CDH23: variants seen among roughly 807,000 people sequenced by gnomAD.
The protein encoded by CDH23 is cadherin related 23.
Under a neutral mutation model 317.1 loss-of-function variants are expected in CDH23, and 189 were observed. The observed-to-expected ratio is 0.60, with a 90% CI of 0.53 to 0.67. The LOEUF (loss-of-function observed/expected upper bound fraction) is 0.67, where lower values mean the gene tolerates loss of function less well. Ranked by LOEUF, CDH23 falls within the 30% of genes least tolerant of loss-of-function variation. The probability of loss-of-function intolerance (pLI) is 0.00; values close to 1 mark genes in which losing one functional copy is unlikely to be tolerated. For missense variants in CDH23, 4,401 were observed against 4,592.4 expected (o/e 0.96, Z 1.20); for synonymous variants, 1,839 against 1,876.8 (o/e 0.98, Z 0.52).
intron 9 of CDH23, among the ~76,000 whole-genome samples, chr10:71,613,045 T>A: frequency 6.6e-6 from 1 of 152,158 alleles, no homozygotes; most frequent in Admixed American, 6.5e-5. Context: ...GATGGGGTTT[T>A]GCCATGTTGG....
intron 48 of CDH23, chr10:71,795,921 C>A: frequency 1.0e-6 from 1 of 986,370 alleles, no homozygotes; most frequent in Non-Finnish European, 1.2e-6. Context: ...CCACCACACC[C>A]CCACCACCCT....
intron 3 of CDH23, among the ~76,000 whole-genome samples, chr10:71,500,454 A>G (rs1195287018): frequency 6.6e-6 from 1 of 152,134 alleles, no homozygotes; most frequent in Non-Finnish European, 1.5e-5. Context: ...TCTGACTCTC[A>G]GGAGGGAATG....
chr10:71,725,514 C>A lies in CDH23; in HGVS notation c.3573C>A (p.Ser1191=). 6.2e-7 allele frequency: 1 copy of A among 1,613,004 alleles called. No individual in the cohort carries two copies. Among genetic ancestry groups the A allele is most frequent in the South Asian group, 1.1e-5 (1 of 90,870 alleles). Residue 1191 remains serine, a synonymous_variant, in exon 30 of 70, where the codon TCC becomes TCA. Transcript: ENST00000224721. ...YNHDLGPMRS[S]VRVIVYVEDI... Reference sequence around the variant, plus strand: ...ACGACCTGGGCCCCATGCGGAGCTCCGTCAGGGTGAGGCTAGGGGCGGGCT... The same window carrying A: ...ACGACCTGGGCCCCATGCGGAGCTCAGTCAGGGTGAGGCTAGGGGCGGGCT...
intron 1 of CDH23, among the ~76,000 whole-genome samples, chr10:71,425,786 C>T (rs1849049514): frequency 6.6e-6 from 1 of 152,196 alleles, no homozygotes; most frequent in Non-Finnish European, 1.5e-5. Flanking sequence ...GTGAAATGGG[C>T]ATAACATCAC....
chr10:71,619,111 G>T (rs1369159467), intron 11 of CDH23, among the ~76,000 whole-genome samples: 1 of 152,118 alleles, frequency 6.6e-6, no homozygotes, highest in African/African-American at 2.4e-5. Flanking sequence ...GAGGCAGGTG[G>T]ATCACTTGAA....
intron 14 of CDH23, among the ~76,000 whole-genome samples, chr10:71,672,785 T>C (rs866639786): frequency 6.6e-6 from 1 of 152,094 alleles, no homozygotes; most frequent in Non-Finnish European, 1.5e-5. Flanking sequence ...GGCCCCAGGG[T>C]GAAGGGGATG....
intron 6 of CDH23, among the ~76,000 whole-genome samples, chr10:71,531,889 A>G (rs1452565158): frequency 2.0e-5 from 3 of 152,166 alleles, no homozygotes; most frequent in Admixed American, 1.3e-4. Flanking sequence ...GGGGAACAAC[A>G]GTGTCAGTGA....
At chr10:71,449,476 G>A (rs1459969035) in intron 3 of CDH23, among the ~76,000 whole-genome samples, 1 of 152,062 alleles carries the variant, frequency 6.6e-6, no homozygotes, top group African/African-American at 2.4e-5. Flanking sequence ...TACCCATTGG[G>A]TCTAATTCTG....
intron 44 of CDH23, 85 bp from the exon 45 acceptor site, chr10:71,788,855 C>A: frequency 1.3e-6 from 1 of 745,206 alleles, no homozygotes. Flanking sequence ...GTGCCCCAAT[C>A]CCCAACCTCC....
chr10:71,518,572 C>T (rs987732290), intron 6 of CDH23, among the ~76,000 whole-genome samples: 1 of 152,164 alleles, frequency 6.6e-6, no homozygotes, highest in Admixed American at 6.5e-5. Context: ...ATAGTGACAC[C>T]CCTTCCTTGT....
chr10:71,583,265 G>C (rs57019959), intron 9 of CDH23, among the ~76,000 whole-genome samples: 3,758 of 151,688 alleles, frequency 0.025, 152 homozygotes, highest in African/African-American at 0.086. Flanking sequence ...CGGGGGTCCG[G>C]TGCTGAGGCC....
In CDH23 at chr10:71,687,668, A is replaced by T. The variant is rs1304555485; in HGVS notation, c.2008A>T (p.Thr670Ser). Reference protein sequence around the residue: ...EVFDENDNPPTFSKPAYFVSV... With the variant: ...EVFDENDNPPSFSKPAYFVSV... ...CCAGGATGAGAATGACAACCCTCCC[A>T]CCTTCAGCAAGCCCGCCTACTTCGT... The change falls in exon 19 of 70, where the codon ACC (threonine) becomes TCC (serine). Residue 670 changes from threonine to serine, a missense_variant. Thr to Ser is a moderately conservative substitution (Grantham distance 58, BLOSUM62 1). Coordinates refer to ENST00000224721, the MANE Select transcript of CDH23 (RefSeq NM_022124.6). 5 of 1,612,960 alleles carry T rather than the reference A, an allele frequency of 3.1e-6. No homozygotes were observed. In the African/African-American group the frequency reaches 5.4e-5, roughly 17 times the overall value.
chr10:71,644,630 A>T (rs780868970), intron 12 of CDH23, among the ~76,000 whole-genome samples: 16 of 152,334 alleles, frequency 1.1e-4, no homozygotes, highest in Non-Finnish European at 2.1e-4. Flanking sequence ...CCCTCTCACC[A>T]GGAACAGGTT....
At chr10:71,452,312 G>A (rs1007693969) in intron 3 of CDH23, among the ~76,000 whole-genome samples, 1 of 152,100 alleles carries the variant, frequency 6.6e-6, no homozygotes, top group Non-Finnish European at 1.5e-5. Flanking sequence ...TGCCCTGGAG[G>A]GGGGCAGGGT....
rs397517342 is a variant in CDH23, at chr10:71,785,100, G to A, written c.5712G>A (p.Thr1904=). Residue 1904 remains threonine (T), a splice_region_variant and synonymous_variant, in exon 43 of 70, where the codon ACG becomes ACA. Coordinates refer to ENST00000224721, the MANE Select transcript of CDH23 (RefSeq NM_022124.6). ...NRERAFFINA[T]TGIVTVNRPL... ...AGCGGGCCTTCTTCATCAATGCCAC[G>A]GTAGGGCCTAGACTGACCCCAGGGA... 8 of 1,613,038 alleles carry A rather than the reference G, an allele frequency of 5.0e-6. No individual in the cohort carries two copies. The highest frequency in any genetic ancestry group is 4.0e-5 in the African/African-American group (3 of 74,934).
intron 3 of CDH23, among the ~76,000 whole-genome samples, chr10:71,470,503 C>CT (rs113613877): frequency 4.9e-4 from 72 of 146,080 alleles, no homozygotes; most frequent in South Asian, 6.5e-4. Context: ...TTTAATTTTA[C>CT]TTTTTTTTTT....
At chr10:71,553,775 G>A (rs1856730571) in intron 6 of CDH23, among the ~76,000 whole-genome samples, 1 of 152,236 alleles carries the variant, frequency 6.6e-6, no homozygotes. Context: ...GGGGCTGGGA[G>A]ATGGAGCCCC....
intron 9 of CDH23, among the ~76,000 whole-genome samples, chr10:71,610,254 C>T (rs548219722): frequency 2.6e-5 from 4 of 152,322 alleles, no homozygotes; most frequent in South Asian, 4.1e-4. Flanking sequence ...CTGTCCACCT[C>T]GGCCTCCCAA....
At chr10:71,535,538 C>G (rs1855653292) in intron 6 of CDH23, among the ~76,000 whole-genome samples, 1 of 152,210 alleles carries the variant, frequency 6.6e-6, no homozygotes. Context: ...CTCAGGGGGT[C>G]TGAAGAAGTG....
Sources: allele counts gnomAD v4.1 joint callset (sites outside exome capture counted in the v4.1 genomes callset), GRCh38; gene constraint gnomAD v4.1.1; transcripts MANE v1.5; gene names NCBI Gene and HGNC (gene_info 2026-07-23, HGNC 2026-07-21).